PREX1: variants seen among roughly 807,000 people sequenced by gnomAD.
PREX1 encodes phosphatidylinositol-3,4,5-trisphosphate dependent Rac exchange factor 1.
PREX1 carries 41 observed loss-of-function variants against 198.3 expected under a neutral mutation model. The ratio of observed to expected loss-of-function variants is 0.21; its 90% confidence interval spans 0.16 to 0.27. The LOEUF (loss-of-function observed/expected upper bound fraction) is 0.27. Among genes scored for constraint, PREX1 ranks in the 10% least tolerant of loss-of-function variants. PREX1 has a pLI of 1.00. For synonymous variants in PREX1, 843 were observed against 887.2 expected, an observed-to-expected ratio of 0.95 and a Z score of 0.89; for missense variants, 1,620 against 2,200.7, an observed-to-expected ratio of 0.74 and a Z score of 5.28.
chr20:48,766,248 A>G (rs2090207520), intron 1 of PREX1, among the ~76,000 whole-genome samples: 1 of 152,178 alleles, frequency 6.6e-6, no homozygotes, highest in East Asian at 1.9e-4. Context: ...AGGTCCGTGG[A>G]AAAAAATGTC....
intron 1 of PREX1, among the ~76,000 whole-genome samples, chr20:48,769,220 C>A (rs1375445564): frequency 6.6e-6 from 1 of 152,088 alleles, no homozygotes; most frequent in Non-Finnish European, 1.5e-5. Context: ...GATTCGGGAA[C>A]AGGAAGCCTG....
chr20:48,761,197 G>A (rs1010947835), intron 1 of PREX1, among the ~76,000 whole-genome samples: 7 of 152,342 alleles, frequency 4.6e-5, no homozygotes, highest in South Asian at 2.1e-4. Flanking sequence ...CAAAGGCCCC[G>A]AGGCACATTC....
At chr20:48,845,857 G>A in the PREX1 span, among the ~76,000 whole-genome samples, 22 of 152,280 alleles carry the variant, frequency 1.4e-4, no homozygotes, top group African/African-American at 5.3e-4. Context: ...CAAAAGTGAT[G>A]TGTGGATTTT....
intron 1 of PREX1, among the ~76,000 whole-genome samples, chr20:48,792,167 G>T (rs1465709439): frequency 6.6e-6 from 1 of 152,176 alleles, no homozygotes; most frequent in Non-Finnish European, 1.5e-5. Context: ...AGGGCTTGAG[G>T]CATTGTTTTA....
intron 19 of PREX1, among the ~76,000 whole-genome samples, chr20:48,654,255 T>C (rs574570976): frequency 6.6e-6 from 1 of 152,372 alleles, no homozygotes; most frequent in Admixed American, 6.5e-5. Flanking sequence ...GTGTGCAGCA[T>C]TTAGCATCGT....
chr20:48,663,467 TG>T (rs2089611965), intron 15 of PREX1, among the ~76,000 whole-genome samples: 1 of 151,786 alleles, frequency 6.6e-6, no homozygotes, highest in African/African-American at 2.4e-5. Context: ...GCGGAGGTTG[TG>T]GTGAGCCGAG....
intron 13 of PREX1, among the ~76,000 whole-genome samples, chr20:48,676,900 G>A (rs1189937136): frequency 6.6e-6 from 1 of 152,242 alleles, no homozygotes; most frequent in Non-Finnish European, 1.5e-5. Context: ...GAGCAGCACA[G>A]AGGCCTGTGA....
At chr20:48,662,443 C>T (rs1353138614) in intron 15 of PREX1, among the ~76,000 whole-genome samples, 1 of 152,224 alleles carries the variant, frequency 6.6e-6, no homozygotes, top group Admixed American at 6.5e-5. Flanking sequence ...AATCCCTGCT[C>T]AGCCCCTTCC....
At chr20:48,837,710 T>A in the PREX1 span, among the ~76,000 whole-genome samples, 1 of 152,120 alleles carries the variant, frequency 6.6e-6, no homozygotes, top group Non-Finnish European at 1.5e-5. Flanking sequence ...AAAAAATAAC[T>A]ATTTGGTACT....
chr20:48,825,320 C>G (rs1326290781), intron 1 of PREX1, among the ~76,000 whole-genome samples: 1 of 152,130 alleles, frequency 6.6e-6, no homozygotes, highest in Non-Finnish European at 1.5e-5. Flanking sequence ...ATTCCCCGCT[C>G]CTTGTTTCAC....
chr20:48,666,015 C>G lies in PREX1; in HGVS notation c.1738+268G>C, dbSNP rs1338770597. Among the ~76,000 whole-genome samples the G allele has an allele frequency of 6.6e-6, 1 of 152,238 alleles. No homozygotes were observed. Among genetic ancestry groups the G allele is most frequent in the Non-Finnish European group, 1.5e-5 (1 of 68,044 alleles). ...TGCCTACCCTGGAAGGCCACATCCC[C>G]CCCAGGAAGAAGGGCACAGGAAACC... On this transcript the variant is annotated intron_variant, in intron 15 of 39. Transcript: ENST00000371941. The surrounding 1 kb of genome is among the most constrained non-coding windows in gnomAD (Gnocchi z 4.3).
At chr20:48,831,179 A>T (rs1214387571), upstream of PREX1, among the ~76,000 whole-genome samples, 1 of 152,176 alleles carries the variant, frequency 6.6e-6, no homozygotes, top group African/African-American at 2.4e-5. Flanking sequence ...GAAGGAAAGA[A>T]AAGTACGAAG....
chr20:48,839,590 A>G, the PREX1 span, among the ~76,000 whole-genome samples: 1 of 152,286 alleles, frequency 6.6e-6, no homozygotes, highest in Non-Finnish European at 1.5e-5. Context: ...CTCCATGCTC[A>G]GTGTTCCATT....
At chr20:48,743,883 G>A (rs2090094091) in intron 3 of PREX1, among the ~76,000 whole-genome samples, 2 of 152,304 alleles carry the variant, frequency 1.3e-5, no homozygotes, top group African/African-American at 4.8e-5. Context: ...CTGCACGCCT[G>A]ATCGCACATG....
intron 15 of PREX1, among the ~76,000 whole-genome samples, chr20:48,661,560 C>T (rs1429769151): frequency 4.5e-5 from 6 of 133,214 alleles, no homozygotes; most frequent in Admixed American, 1.6e-4. Flanking sequence ...TATATATACA[C>T]ACACACACAC....
intron 7 of PREX1, 102 bp from the exon 8 acceptor site, chr20:48,692,892 G>T: frequency 1.0e-6 from 1 of 968,206 alleles, no homozygotes; most frequent in Non-Finnish European, 1.7e-6. Flanking sequence ...GCATCCAGGG[G>T]ACAGAGAGGA....
intron 14 of PREX1, among the ~76,000 whole-genome samples, chr20:48,674,280 T>C (rs1394965614): frequency 2.6e-5 from 4 of 152,250 alleles, no homozygotes; most frequent in Non-Finnish European, 4.4e-5. Context: ...TTCTCAACTT[T>C]CTTTTGAAGT....
Position 48,646,014 on chromosome 20 carries a change from C to T in PREX1, c.3349G>A (p.Asp1117Asn), listed in dbSNP as rs376311381. Residue 1117 changes from aspartate to asparagine, a missense_variant, in exon 26 of 40, where the codon GAC (aspartate) becomes AAC (asparagine). Asp to Asn is a conservative substitution (Grantham distance 23, BLOSUM62 1). Coordinates refer to ENST00000371941, the MANE Select transcript of PREX1 (RefSeq NM_020820.4). ...ITEPTSGGSC[D>N]ASLAEEASSL... ...GAGGCCTCCTCAGCCAAGGATGCGT[C>T]GCAGGACCCACCCGAGGTGGGCTCT... 10 of 1,614,022 alleles carry T rather than the reference C, an allele frequency of 6.2e-6. No individual in the cohort carries two copies. Among genetic ancestry groups the T allele is most frequent in the African/African-American group, 4.0e-5 (3 of 74,932 alleles).
rs180912492 is a variant in PREX1, at chr20:48,639,444, A to G, written c.3904+322T>C. On this transcript the variant is annotated intron_variant, in intron 30 of 39. Coordinates refer to ENST00000371941, the MANE Select transcript of PREX1 (RefSeq NM_020820.4). The stretch of plus-strand genomic sequence containing the variant: ...ATAATAACAGGAACTCACACATCCA[A>G]TGCTTTGGAAGCTGAGAAAGAACAG... Among the ~76,000 whole-genome samples, 545 of 152,278 alleles carry G rather than the reference A, an allele frequency of 3.6e-3. 5 individuals are homozygous for G. The highest frequency in any genetic ancestry group is 3.3e-3 in the Non-Finnish European group (224 of 68,022).
Sources: allele counts gnomAD v4.1 joint callset (sites outside exome capture counted in the v4.1 genomes callset), GRCh38; gene constraint gnomAD v4.1.1; non-coding constraint Gnocchi (gnomAD v3.1); transcripts MANE v1.5; gene names NCBI Gene and HGNC (gene_info 2026-07-23, HGNC 2026-07-21).